Variants in CPS1 observed in about 807,000 individuals in gnomAD.
CPS1 encodes the protein carbamoyl-phosphate synthase [ammonia], mitochondrial.
A neutral mutation model predicts 174.6 loss-of-function variants in CPS1; 109 were observed. That is an observed-to-expected ratio of 0.62 (90% CI 0.53 to 0.73). CPS1 has a LOEUF of 0.73. CPS1 is among the 30% of genes least tolerant of loss of function. CPS1 has a pLI of 0.00. For missense variants in CPS1, 1,689 were observed against 1,821.9 expected, an observed-to-expected ratio of 0.93 and a Z score of 1.33; for synonymous variants, 637 against 632.0, an observed-to-expected ratio of 1.01 and a Z score of -0.12.
chr2:210,600,596 G>T lies in CPS1; in HGVS notation c.1591G>T (p.Val531Leu), dbSNP rs1161047239. The T allele has an allele frequency of 6.2e-7, 1 of 1,612,284 alleles. No homozygotes were observed. Residue 531 changes from valine (V) to leucine (L), a missense_variant, in exon 15 of 38, where the codon GTG (valine) becomes TTG (leucine). By Grantham distance (32) the Val-to-Leu change is conservative. Transcript: ENST00000233072. ...FKRGVLKEYG[V>L]KVLGTSVESI... The stretch of plus-strand genomic sequence containing the variant: ...GAGAGGTGTGCTCAAGGAATATGGT[G>T]TGAAAGTCCTGGGAACTTCAGTTGA...
chr2:210,597,609 A>T (rs934758264), intron 13 of CPS1, among the ~76,000 whole-genome samples: 6 of 151,868 alleles, frequency 4.0e-5, no homozygotes, highest in African/African-American at 1.2e-4. Context: ...CTATACTTTT[A>T]TCTGAATATT....
chr2:210,519,806 G>A, intron 1 of CPS1: 2 of 984,986 alleles, frequency 2.0e-6, no homozygotes, highest in Non-Finnish European at 2.4e-6. Flanking sequence ...TGTTGGCGGG[G>A]AGGGCAATGA....
At chr2:210,634,135 C>CA (rs199578846) in intron 21 of CPS1, among the ~76,000 whole-genome samples, 222 of 151,464 alleles carry the variant, frequency 1.5e-3, no homozygotes, top group African/African-American at 4.5e-3. Context: ...ACAACAATAA[C>CA]AAAAAAAAAT....
chr2:210,669,251 A>G (rs1701211348), intron 34 of CPS1, among the ~76,000 whole-genome samples: 1 of 152,126 alleles, frequency 6.6e-6, no homozygotes, highest in East Asian at 1.9e-4. Flanking sequence ...TACTTTTATT[A>G]CTATTACTAA....
At chr2:210,614,279 T>G (rs1699229157) in intron 20 of CPS1, among the ~76,000 whole-genome samples, 1 of 152,122 alleles carries the variant, frequency 6.6e-6, no homozygotes, top group African/African-American at 2.4e-5. Flanking sequence ...CATGGATTTT[T>G]TTTTTTATCC....
chr2:210,651,766 A>ACTTC lies in CPS1; in HGVS notation c.3480+1330_3480+1331insTCCT, dbSNP rs541477940. Among the ~76,000 whole-genome samples, 508 of 152,320 alleles carry ACTTC rather than the reference A, an allele frequency of 3.3e-3. 7 individuals are homozygous for ACTTC. The highest frequency in any genetic ancestry group is 2.9e-3 in the Non-Finnish European group (196 of 68,024). On this transcript the variant is annotated intron_variant, in intron 28 of 37. Transcript: ENST00000233072. ...ATCAAACTACAGCAGCATCTGGGAT[A>ACTTC]CTGAATTCAATGACTCTAGAGTAAA...
At chr2:210,571,917 A>C (rs1697511030) in intron 1 of CPS1, among the ~76,000 whole-genome samples, 1 of 132,174 alleles carries the variant, frequency 7.6e-6, no homozygotes, top group South Asian at 2.5e-4. Context: ...GTGTATGTGT[A>C]ATGGGAGTGG....
At chr2:210,675,643 T>G (rs562324952) in intron 35 of CPS1, 85 bp from the exon 36 acceptor site, 1 of 769,100 alleles carries the variant, frequency 1.3e-6, no homozygotes, top group East Asian at 2.5e-5. Context: ...CAGCAATTTC[T>G]TCTTCTTTAT....
At chr2:210,650,231 C>A in intron 27 of CPS1, 132 bp from the exon 28 acceptor site, 1 of 738,980 alleles carries the variant, frequency 1.4e-6, no homozygotes, top group East Asian at 2.6e-5. Context: ...GGAGAAAAGT[C>A]TCAATTTAGC....
At chr2:210,590,979 CT>C in intron 9 of CPS1, 73 bp downstream of exon 9, 1 of 1,049,970 alleles carries the variant, frequency 9.5e-7, no homozygotes, top group Non-Finnish European at 1.5e-6. Flanking sequence ...ACTCAGAGCA[CT>C]TACCTGCCAT....
rs139845635 is a variant in CPS1, at chr2:210,611,619, G to T, written c.2392-498G>T. 1.6e-4 allele frequency among the ~76,000 whole-genome samples: 25 copies of T among 151,948 alleles called. No individual in the cohort carries two copies. The East Asian group carries it at 4.9e-3, about 30-fold the overall frequency. ...ATCAGTATTTGTTATGACTCTCAAG[G>T]TTCTATTAATATTAATGCTTAGCTG... is the stretch of plus-strand genomic sequence containing the variant. On this transcript the variant is annotated intron_variant, in intron 19 of 37. Coordinates refer to ENST00000233072, the MANE Select transcript of CPS1 (RefSeq NM_001875.5).
intron 11 of CPS1, 149 bp downstream of exon 11, chr2:210,593,105 C>A: frequency 1.2e-6 from 1 of 809,922 alleles, no homozygotes; most frequent in South Asian, 1.5e-5. Context: ...GTATTAAAAT[C>A]TCCCCATGAA....
chr2:210,518,112 G>A (rs1438421437), intron 1 of CPS1, among the ~76,000 whole-genome samples: 1 of 151,944 alleles, frequency 6.6e-6, no homozygotes, highest in Non-Finnish European at 1.5e-5. Flanking sequence ...ATTTTTGTAT[G>A]TTGTGGTCTG....
At chr2:210,582,929 G>A (rs1271042676) in intron 6 of CPS1, among the ~76,000 whole-genome samples, 1 of 152,090 alleles carries the variant, frequency 6.6e-6, no homozygotes, top group Non-Finnish European at 1.5e-5. Context: ...CCCCAATTTA[G>A]AGGATTTTTA....
At chr2:210,593,705 T>C in intron 11 of CPS1, 1 of 940,232 alleles carries the variant, frequency 1.1e-6, no homozygotes, top group Non-Finnish European at 1.3e-6. Context: ...AGAGCTTTCT[T>C]TCTGCAAGCT....
At chr2:210,578,356 C>T (rs13017216) in intron 4 of CPS1, among the ~76,000 whole-genome samples, 10,597 of 152,138 alleles carry the variant, frequency 0.07, 550 homozygotes, top group East Asian at 0.25. Context: ...GTGATCCACC[C>T]GACTCAGCCT....
At chr2:210,540,681 C>T (rs564318740) in intron 1 of CPS1, among the ~76,000 whole-genome samples, 16 of 152,170 alleles carry the variant, frequency 1.1e-4, no homozygotes, top group Admixed American at 3.9e-4. Context: ...AACTGAGGTT[C>T]GGAGTTAAAG....
intron 16 of CPS1, among the ~76,000 whole-genome samples, chr2:210,604,494 A>G (rs1181639668): frequency 6.6e-6 from 1 of 151,924 alleles, no homozygotes; most frequent in African/African-American, 2.4e-5. Context: ...TATCTGTCTA[A>G]TCAGGCATAC....
intron 2 of CPS1, among the ~76,000 whole-genome samples, chr2:210,575,003 T>C (rs1442237217): frequency 1.3e-5 from 2 of 152,060 alleles, no homozygotes; most frequent in African/African-American, 4.8e-5. Context: ...TTAAAGGGGT[T>C]ATTTTGTTTT....
Sources: allele counts gnomAD v4.1 joint callset (sites outside exome capture counted in the v4.1 genomes callset), GRCh38; gene constraint gnomAD v4.1.1; transcripts MANE v1.5; gene names NCBI Gene and HGNC (gene_info 2026-07-23, HGNC 2026-07-21).